Variants in OPN3 observed in about 807,000 individuals in gnomAD.
OPN3 encodes opsin-3.
In OPN3, 29 loss-of-function variants were observed where a neutral mutation model predicts 33.8. That is an observed-to-expected ratio of 0.86 (90% CI 0.64 to 1.17). The LOEUF is 1.17. OPN3 is among the 50% of genes most tolerant of loss of function. The pLI is 0.00. For synonymous variants in OPN3, 216 were observed against 216.1 expected (o/e 1.00, Z 0.00); for missense variants, 437 against 514.1 (o/e 0.85, Z 1.45).
chr1:241,594,821 A>T, intron 3 of OPN3, 130 bp from the exon 4 acceptor site: 1 of 975,958 alleles, frequency 1.0e-6, no homozygotes, highest in East Asian at 2.5e-5. Context: ...ATGTGGGGTT[A>T]TGTGGTCATG....
chr1:241,624,817 G>A (rs1374425704), intron 1 of OPN3, among the ~76,000 whole-genome samples: 1 of 152,154 alleles, frequency 6.6e-6, no homozygotes, highest in African/African-American at 2.4e-5. Flanking sequence ...CAAGCTTGGG[G>A]GTTATGGAAT....
At chr1:241,609,638 G>A (rs1663935430) in intron 1 of OPN3, among the ~76,000 whole-genome samples, 1 of 152,212 alleles carries the variant, frequency 6.6e-6, no homozygotes, top group East Asian at 1.9e-4. Flanking sequence ...GTGATCATAT[G>A]TCAAAGTTAT....
At chr1:241,612,363 T>C (rs1664021284) in intron 1 of OPN3, among the ~76,000 whole-genome samples, 1 of 152,178 alleles carries the variant, frequency 6.6e-6, no homozygotes, top group African/African-American at 2.4e-5. Context: ...TTTGTAGAAA[T>C]TTAAAAAGAT....
At chr1:241,633,308 C>A (rs1414549781) in intron 1 of OPN3, 2 of 158,012 alleles carry the variant, frequency 1.3e-5, no homozygotes, top group Non-Finnish European at 1.4e-5. Flanking sequence ...TTCCTACCAC[C>A]ATGTCTATAC....
intron 1 of OPN3, among the ~76,000 whole-genome samples, chr1:241,639,515 CT>C (rs1190822198): frequency 6.6e-6 from 1 of 152,024 alleles, no homozygotes; most frequent in Non-Finnish European, 1.5e-5. Flanking sequence ...GCCCTCGTCT[CT>C]TTCCTCAAAG....
At chr1:241,600,312 T>C (rs1167959382) in intron 2 of OPN3, 3 of 152,222 alleles carry the variant, frequency 2.0e-5, no homozygotes, top group African/African-American at 7.2e-5. Context: ...CTTTCTTTCA[T>C]TACTTTCTAT....
intron 1 of OPN3, among the ~76,000 whole-genome samples, chr1:241,628,106 T>C (rs1002139838): frequency 3.3e-5 from 5 of 152,314 alleles, no homozygotes; most frequent in African/African-American, 4.8e-5. Context: ...TTAAGCCACC[T>C]GTTTTCAACT....
At chr1:241,626,022 G>A (rs1232850602) in intron 1 of OPN3, among the ~76,000 whole-genome samples, 1 of 152,202 alleles carries the variant, frequency 6.6e-6, no homozygotes, top group Non-Finnish European at 1.5e-5. Flanking sequence ...CTTAATGGGA[G>A]AAAATTAGCA....
chr1:241,619,268 C>T (rs79622070), intron 1 of OPN3, among the ~76,000 whole-genome samples: 1,637 of 152,178 alleles, frequency 0.011, 25 homozygotes, highest in African/African-American at 0.037. Flanking sequence ...CATTCATTTG[C>T]GTTAACATTT....
chr1:241,600,774 T>C (rs1432185091), intron 2 of OPN3: 1 of 152,100 alleles, frequency 6.6e-6, no homozygotes, highest in Non-Finnish European at 1.5e-5. Flanking sequence ...GCCCTCTGCT[T>C]GTAACTCATT....
intron 1 of OPN3, among the ~76,000 whole-genome samples, chr1:241,606,873 C>T (rs74150333): frequency 0.021 from 3,224 of 152,202 alleles, 121 homozygotes; most frequent in African/African-American, 0.074. Flanking sequence ...CAGCTCCCCA[C>T]GAAATAGCTC....
intron 1 of OPN3, among the ~76,000 whole-genome samples, chr1:241,609,856 C>A (rs1298993167): frequency 6.6e-6 from 1 of 152,160 alleles, no homozygotes; most frequent in Non-Finnish European, 1.5e-5. Flanking sequence ...GTGGGAAGGT[C>A]AGTCACTACA....
chr1:241,632,658 A>G (rs1664690638), intron 1 of OPN3: 2 of 152,118 alleles, frequency 1.3e-5, no homozygotes, highest in Admixed American at 1.3e-4. Flanking sequence ...AGATTACAGA[A>G]AATTGTTACT....
At chr1:241,607,388 A>G (rs886265470) in intron 1 of OPN3, among the ~76,000 whole-genome samples, 1 of 151,992 alleles carries the variant, frequency 6.6e-6, no homozygotes, top group Non-Finnish European at 1.5e-5. Flanking sequence ...GGTGGCATGC[A>G]TCTGTAATCC....
chr1:241,627,739 C>CA (rs143327286), intron 1 of OPN3, among the ~76,000 whole-genome samples: 4,735 of 152,126 alleles, frequency 0.031, 281 homozygotes, highest in African/African-American at 0.11. Context: ...AACTACACTA[C>CA]AAATACCTCT....
Position 241,604,476 on chromosome 1 carries a change from G to A in OPN3, c.477C>T (p.Thr159=). ...ACGCCAGTGAGTAGAGCCAGATGTA[G>A]GTAATGGCCCTCCAGGCCCAGGAAA... The part of the protein sequence containing the change: ...INFSWAWRAI[T]YIWLYSLAWA... The change falls in exon 2 of 4, where the codon ACC becomes ACT. Residue 159 remains threonine (T), a synonymous_variant. Transcript: ENST00000366554. The A allele has an allele frequency of 1.9e-6, 3 of 1,614,158 alleles. No individual in the cohort carries two copies. The highest frequency in any genetic ancestry group is 2.5e-6 in the Non-Finnish European group (3 of 1,180,032).
chr1:241,625,890 G>A (rs954878781), intron 1 of OPN3, among the ~76,000 whole-genome samples: 2 of 152,218 alleles, frequency 1.3e-5, no homozygotes, highest in Non-Finnish European at 2.9e-5. Context: ...GCAGAATGTT[G>A]AACAACACCC....
At chr1:241,634,770 G>A (rs1239187407) in intron 1 of OPN3, 1 of 1,613,556 alleles carries the variant, frequency 6.2e-7, no homozygotes, top group South Asian at 1.1e-5. Context: ...TGAAGGTTGG[G>A]AGTTAGTTTT....
At position 241,604,303 on chromosome 1, in the gene OPN3, A is replaced by T; in HGVS notation, c.650T>A (p.Val217Asp). Residue 217 changes from valine to aspartate, a missense_variant, in exon 2 of 4, where the codon GTC (valine) becomes GAC (aspartate). By Grantham distance (152) the Val-to-Asp change is radical. Transcript: ENST00000366554. ...AATATGGCCATAGCAATGGGCTATG[A>T]CACCCAGGGGCACCACCAGGCAGCC... ...FLGCLVVPLG[V>D]IAHCYGHILY... is the part of the protein sequence containing the mutation. 1 of 1,614,104 alleles carries T rather than the reference A, an allele frequency of 6.2e-7. No individual in the cohort carries two copies. Among genetic ancestry groups the T allele is most frequent in the South Asian group, 1.1e-5 (1 of 91,084 alleles).
Sources: allele counts gnomAD v4.1 joint callset (sites outside exome capture counted in the v4.1 genomes callset), GRCh38; gene constraint gnomAD v4.1.1; transcripts MANE v1.5; gene names NCBI Gene and HGNC (gene_info 2026-07-23, HGNC 2026-07-21).